Variants in CTNND2 observed in about 807,000 individuals in gnomAD.
CTNND2 encodes the protein catenin delta 2.
A neutral mutation model predicts 144.4 loss-of-function variants in CTNND2; 22 were observed. The observed-to-expected ratio is 0.15, with a 90% CI of 0.11 to 0.22. The LOEUF (loss-of-function observed/expected upper bound fraction) is 0.22, where lower values mean the gene tolerates loss of function less well. Ranked by LOEUF, CTNND2 falls within the 10% of genes least tolerant of loss-of-function variation. The pLI is 1.00. For synonymous variants in CTNND2, 751 were observed against 695.6 expected, an observed-to-expected ratio of 1.08 and a Z score of -1.25; for missense variants, 1,353 against 1,618.8, an observed-to-expected ratio of 0.84 and a Z score of 2.82.
At chr5:11,214,119 A>C (rs1435668221) in intron 10 of CTNND2, among the ~76,000 whole-genome samples, 1 of 152,158 alleles carries the variant, frequency 6.6e-6, no homozygotes, top group East Asian at 1.9e-4. Context: ...TTCTTTAATA[A>C]TTTCTGTTCA....
intron 10 of CTNND2, among the ~76,000 whole-genome samples, chr5:11,232,430 G>A (rs1234034948): frequency 6.6e-6 from 1 of 152,260 alleles, no homozygotes; most frequent in Non-Finnish European, 1.5e-5. Flanking sequence ...CCCATCTCTT[G>A]CATCAGCGTG....
chr5:11,092,668 C>A (rs1399504834), intron 15 of CTNND2, among the ~76,000 whole-genome samples: 1 of 152,172 alleles, frequency 6.6e-6, no homozygotes. Flanking sequence ...GCTCTGATCA[C>A]CTCTGTGTTT....
At chr5:11,680,838 G>T (rs1784392955) in intron 2 of CTNND2, among the ~76,000 whole-genome samples, 1 of 152,114 alleles carries the variant, frequency 6.6e-6, no homozygotes, top group Non-Finnish European at 1.5e-5. Flanking sequence ...GCAAGGAAAG[G>T]GAAAGGCTCC....
rs543130822 is a variant in CTNND2, at chr5:11,860,792, C to T, written c.37+43025G>A. 5.3e-5 allele frequency among the ~76,000 whole-genome samples: 8 copies of T among 152,190 alleles called. 1 individual carries two copies. Among genetic ancestry groups the T allele is most frequent in the African/African-American group, 1.9e-4 (8 of 41,532 alleles). The stretch of plus-strand genomic sequence containing the variant: ...TTTTTGAAGAAGGTTGGCACATCTC[C>T]GTTACTCCAGGGTCTTGCATAAAAC... On this transcript the variant is annotated intron_variant, in intron 1 of 21. Coordinates refer to ENST00000304623, the MANE Select transcript of CTNND2 (RefSeq NM_001332.4).
chr5:11,790,341 A>C (rs1176285184), intron 1 of CTNND2, among the ~76,000 whole-genome samples: 1 of 152,158 alleles, frequency 6.6e-6, no homozygotes, highest in Non-Finnish European at 1.5e-5. Flanking sequence ...TTCATTAGAA[A>C]AACATTTCAA....
chr5:11,773,017 C>T (rs566138028), intron 1 of CTNND2, among the ~76,000 whole-genome samples: 33 of 152,240 alleles, frequency 2.2e-4, no homozygotes, highest in African/African-American at 7.5e-4. Context: ...GACTGTCTGG[C>T]ATTAGTGCAA....
In CTNND2 at chr5:11,042,577, C is replaced by T. The variant is rs867272066; in HGVS notation, c.2789-19598G>A. On this transcript the variant is annotated intron_variant, in intron 16 of 21. Coordinates refer to ENST00000304623, the MANE Select transcript of CTNND2 (RefSeq NM_001332.4). ...ACGAAACTCATGTAATTTTGTTGCC[C>T]AAGTCAATTTTTGTCCTGGGACTTA... Among the ~76,000 whole-genome samples the T allele has an allele frequency of 2.6e-5, 4 of 152,300 alleles. No homozygotes were observed. The South Asian group carries it at 8.3e-4, about 32-fold the overall frequency.
intron 1 of CTNND2, among the ~76,000 whole-genome samples, chr5:11,754,632 GT>G (rs1206911816): frequency 2.0e-5 from 3 of 151,736 alleles, no homozygotes; most frequent in African/African-American, 7.3e-5. Context: ...ATGAATCTGG[GT>G]GCTCCTGTCT....
intron 3 of CTNND2, among the ~76,000 whole-genome samples, chr5:11,542,143 G>A (rs1473957444): frequency 2.0e-5 from 3 of 152,120 alleles, no homozygotes; most frequent in Non-Finnish European, 4.4e-5. Context: ...GTATATGCCT[G>A]CAAAGCTCAG....
At chr5:11,553,274 A>G (rs552307213) in intron 3 of CTNND2, among the ~76,000 whole-genome samples, 1 of 152,328 alleles carries the variant, frequency 6.6e-6, no homozygotes, top group East Asian at 1.9e-4. Context: ...GCTTTCTTCC[A>G]TCTCATCTTG....
At chr5:11,694,432 AAAAAAAAG>A (rs915272201) in intron 2 of CTNND2, among the ~76,000 whole-genome samples, 8 of 150,930 alleles carry the variant, frequency 5.3e-5, no homozygotes, top group Admixed American at 4.6e-4. Context: ...TCTCTCAAAA[AAAAAAAAG>A]AAAAAAAGAA....
chr5:11,531,582 T>C (rs1773748366), intron 3 of CTNND2, among the ~76,000 whole-genome samples: 2 of 152,142 alleles, frequency 1.3e-5, no homozygotes, highest in African/African-American at 2.4e-5. Context: ...GCTGAGATCA[T>C]GCCACTGTAC....
At chr5:11,018,801 C>T (rs1292377756) in intron 17 of CTNND2, among the ~76,000 whole-genome samples, 7 of 150,808 alleles carry the variant, frequency 4.6e-5, no homozygotes, top group East Asian at 1.9e-4. Context: ...ACCTCTGCCT[C>T]GCGGGTTCAA....
In CTNND2 at chr5:10,988,156, G is replaced by A. The variant is rs542280449; in HGVS notation, c.3298C>T (p.His1100Tyr). ...YECTGSNATY[H>Y]GAKGEHTSRK... ...GAAGTGTGTTCGCCTTTAGCTCCGT[G>A]GTAGGTGGCGTTGCTGCCGGTGCAC... Residue 1100 changes from histidine (H) to tyrosine (Y), a missense_variant, in exon 20 of 22, where the codon CAC (histidine) becomes TAC (tyrosine). This residue lies in a region of CTNND2 where 459 missense variants were observed against 674.3 expected (regional missense o/e 0.68). Coordinates refer to ENST00000304623, the MANE Select transcript of CTNND2 (RefSeq NM_001332.4). This position sits in a 1 kb window ranked among gnomAD's most constrained non-coding sequence, Gnocchi z 5.9. 7 of 1,614,198 alleles carry A rather than the reference G, an allele frequency of 4.3e-6. No homozygotes were observed. The South Asian group carries it at 6.6e-5, about 15-fold the overall frequency.
intron 10 of CTNND2, among the ~76,000 whole-genome samples, chr5:11,228,297 A>G (rs1182007822): frequency 1.5e-5 from 2 of 136,784 alleles, no homozygotes; most frequent in Non-Finnish European, 3.1e-5. Context: ...GTGAGCCAAT[A>G]TCGTGCCACT....
chr5:11,245,327 C>T (rs545460254), intron 9 of CTNND2, among the ~76,000 whole-genome samples: 23 of 152,276 alleles, frequency 1.5e-4, no homozygotes, highest in Admixed American at 6.5e-4. Flanking sequence ...GCTAATGCTG[C>T]CTTCTATGGC....
chr5:11,049,789 T>G (rs1745643991), intron 16 of CTNND2, among the ~76,000 whole-genome samples: 1 of 152,216 alleles, frequency 6.6e-6, no homozygotes, highest in Non-Finnish European at 1.5e-5. Context: ...AAGTGCTTTT[T>G]CCTTAAGGGG....
At position 11,249,378 on chromosome 5, in the gene CTNND2, G is replaced by T. The variant is rs535175483; in HGVS notation, c.1629-12555C>A. Among the ~76,000 whole-genome samples, 10 of 152,324 alleles carry T rather than the reference G, an allele frequency of 6.6e-5. No homozygotes were observed. In the East Asian group the frequency reaches 1.7e-3, roughly 26 times the overall value. The stretch of plus-strand genomic sequence containing the variant: ...CATATCAGTAAGAGGGCGTTGAATA[G>T]ACTGACAAAATTTGACTTGTTTTGT... On this transcript the variant is annotated intron_variant, in intron 9 of 21. Transcript: ENST00000304623.
intron 12 of CTNND2, among the ~76,000 whole-genome samples, chr5:11,151,239 C>A (rs776194052): frequency 6.6e-6 from 1 of 152,182 alleles, no homozygotes; most frequent in African/African-American, 2.4e-5. Context: ...GTTTGGTGTG[C>A]TCTTTCTTCT....
Sources: allele counts gnomAD v4.1 joint callset (sites outside exome capture counted in the v4.1 genomes callset), GRCh38; gene constraint gnomAD v4.1.1; regional missense constraint gnomAD v4.1.1; non-coding constraint Gnocchi (gnomAD v3.1); transcripts MANE v1.5; gene names NCBI Gene and HGNC (gene_info 2026-07-23, HGNC 2026-07-21).